HOXA4: variants seen among roughly 807,000 people sequenced by gnomAD.
HOXA4 encodes homeobox protein Hox-A4.
A neutral mutation model predicts 25.3 loss-of-function variants in HOXA4; 31 were observed. That is an observed-to-expected ratio of 1.22 (90% CI 0.92 to 1.65). The LOEUF is 1.65. HOXA4 is among the 40% of genes most tolerant of loss of function. The probability of loss-of-function intolerance (pLI) is 0.00; values close to 1 mark genes in which losing one functional copy is unlikely to be tolerated. For missense variants in HOXA4, 459 were observed against 446.0 expected (o/e 1.03, Z -0.26); for synonymous variants, 225 against 207.7 (o/e 1.08, Z -0.72).
In HOXA4 at chr7:27,130,644, G is replaced by A; in HGVS notation, c.90C>T (p.Gly30=). The A allele has an allele frequency of 6.3e-7, 1 of 1,596,184 alleles. No homozygotes were observed. The highest frequency in any genetic ancestry group is 2.3e-5 in the East Asian group (1 of 44,000). ...CCCCGCCCGGGCCGCCGTCTGCGCC[G>A]CCCGAGCCGCTGTGCTGCGCGTACT... ...FEEYAQHSGS[G]GADGGPGGGP... The change falls in exon 1 of 2, where the codon GGC becomes GGT. Residue 30 remains glycine, a synonymous_variant. Transcript: ENST00000360046.
In HOXA4 at chr7:27,130,617, G is replaced by T. The variant is rs1050272; in HGVS notation, c.117C>A (p.Gly39=). Residue 39 remains glycine, a synonymous_variant, in exon 1 of 2, where the codon GGC becomes GGA. Coordinates refer to ENST00000360046, the MANE Select transcript of HOXA4 (RefSeq NM_002141.5). The stretch of plus-strand genomic sequence containing the variant: ...GCGCTGGGGGCTGCTGGTAGCCGGG[G>T]CCCCCGCCCGGGCCGCCGTCTGCGC... The part of the protein sequence containing the change: ...SGGADGGPGG[G]PGYQQPPAPP... 2 of 1,554,584 alleles carry T rather than the reference G, an allele frequency of 1.3e-6. No individual in the cohort carries two copies. Among genetic ancestry groups the T allele is most frequent in the South Asian group, 2.3e-5 (2 of 85,222 alleles).
At chr7:27,129,878 C>T in intron 1 of HOXA4, 1 of 607,774 alleles carries the variant, frequency 1.6e-6, no homozygotes. Flanking sequence ...TAATTACTGC[C>T]CTAACAGTTT....
chr7:27,128,901 G>T lies in HOXA4; in HGVS notation c.*324C>A. The T allele has an allele frequency of 2.6e-6, 1 of 389,374 alleles. No homozygotes were observed. The highest frequency in any genetic ancestry group is 4.8e-6 in the Non-Finnish European group (1 of 209,416). The allele number at this position is 389,374 out of a possible 1,614,324, so 24.1% of individuals were successfully genotyped here. A position where few individuals can be genotyped will look rare whatever the true frequency, so the allele number is the denominator to read the frequency against. On this transcript the variant is annotated 3_prime_UTR_variant, in exon 2 of 2. Transcript: ENST00000360046. ...GCAAGTGTATGTCCCCACTCAGCAT[G>T]GGCTGTCCAGCTAGCTGACTGTAGC...
In HOXA4 at chr7:27,130,623, G is replaced by A. The variant is rs1413413465; in HGVS notation, c.111C>T (p.Gly37=). ...GGGGCTGCTGGTAGCCGGGGCCCCC[G>A]CCCGGGCCGCCGTCTGCGCCGCCCG... ...SGSGGADGGP[G]GGPGYQQPPA... is the part of the protein sequence containing the mutation. Residue 37 remains glycine, a synonymous_variant, in exon 1 of 2, where the codon GGC becomes GGT. Coordinates refer to ENST00000360046, the MANE Select transcript of HOXA4 (RefSeq NM_002141.5). 2 of 1,564,406 alleles carry A rather than the reference G, an allele frequency of 1.3e-6. No homozygotes were observed. The highest frequency in any genetic ancestry group is 1.4e-5 in the African/African-American group (1 of 72,852).
In HOXA4 at chr7:27,129,428, A is replaced by T. The variant is rs200623719; in HGVS notation, c.760T>A (p.Leu254Met). Residue 254 changes from leucine to methionine, a missense_variant, in exon 2 of 2, where the codon TTG becomes ATG. By Grantham distance (15) the Leu-to-Met change is conservative. Coordinates refer to ENST00000360046, the MANE Select transcript of HOXA4 (RefSeq NM_002141.5). ...RRIEIAHTLCLSERQVKIWFQ... is the reference protein window; with the variant it reads ...RRIEIAHTLCMSERQVKIWFQ... ...CAGATCTTGACCTGGCGCTCAGACA[A>T]ACAGAGCGTGTGGGCGATCTCGATG... 2.5e-4 allele frequency: 409 copies of T among 1,614,024 alleles called. No individual in the cohort carries two copies. The highest frequency in any genetic ancestry group is 3.3e-4 in the Non-Finnish European group (384 of 1,180,022).
At position 27,129,526 on chromosome 7, in the gene HOXA4, G is replaced by A. The variant is rs767391027; in HGVS notation, c.662C>T (p.Ala221Val). ...CTCCAAGACCTGCTGCCGGGTGTAG[G>A]CGGTTCGAGAGCGCTTAGGCTCCCC... ...NGGEPKRSRT[A>V]YTRQQVLELE... The change falls in exon 2 of 2, where the codon GCC (alanine) becomes GTC (valine). Residue 221 changes from alanine to valine, a missense_variant. Physicochemically the swap from Ala to Val is moderately conservative, Grantham distance 64. Coordinates refer to ENST00000360046, the MANE Select transcript of HOXA4 (RefSeq NM_002141.5). The A allele has an allele frequency of 6.2e-7, 1 of 1,614,114 alleles. No individual in the cohort carries two copies. Among genetic ancestry groups the A allele is most frequent in the Non-Finnish European group, 8.5e-7 (1 of 1,180,028 alleles).
Position 27,128,900 on chromosome 7 carries a change from T to C in HOXA4, c.*325A>G, listed in dbSNP as rs1785393580. 1 of 383,944 alleles carries C rather than the reference T, an allele frequency of 2.6e-6. No individual in the cohort carries two copies. Among genetic ancestry groups the C allele is most frequent in the Non-Finnish European group, 4.8e-6 (1 of 206,216 alleles). The allele number at this position is 383,944 out of a possible 1,614,324, so 23.8% of individuals were successfully genotyped here. On this transcript the variant is annotated 3_prime_UTR_variant, in exon 2 of 2. Transcript: ENST00000360046. ...TGCAAGTGTATGTCCCCACTCAGCA[T>C]GGGCTGTCCAGCTAGCTGACTGTAG... is the stretch of plus-strand genomic sequence containing the variant.
Position 27,128,904 on chromosome 7 carries a change from C to A in HOXA4, c.*321G>T. ...AGTGTATGTCCCCACTCAGCATGGG[C>A]TGTCCAGCTAGCTGACTGTAGCCAT... On this transcript the variant is annotated 3_prime_UTR_variant, in exon 2 of 2. Coordinates refer to ENST00000360046, the MANE Select transcript of HOXA4 (RefSeq NM_002141.5). The A allele has an allele frequency of 2.5e-6, 1 of 393,912 alleles. No individual in the cohort carries two copies. The highest frequency in any genetic ancestry group is 2.8e-5 in the South Asian group (1 of 35,948). 24.4% of individuals were successfully genotyped at this position (393,912 alleles called of 1,614,324 possible). A position where few individuals can be genotyped will look rare whatever the true frequency, so the allele number is the denominator to read the frequency against.
Position 27,129,266 on chromosome 7 carries a change from G to C in HOXA4, c.922C>G (p.Pro308Ala). Residue 308 changes from proline to alanine, a missense_variant, in exon 2 of 2, where the codon CCC becomes GCC. By Grantham distance (27) the Pro-to-Ala change is conservative. Transcript: ENST00000360046. ...ACGGGTGTGGAGGTGCTCGGGTGGG[G>C]GTGGGGATGGAGGTGTGGGCTCTGA... ...QTQSPHLHPH[P>A]HPSTSTPVPS... is the part of the protein sequence containing the mutation. 1 of 1,612,456 alleles carries C rather than the reference G, an allele frequency of 6.2e-7. No individual in the cohort carries two copies.
intron 1 of HOXA4, chr7:27,129,897 G>A (rs1785448440): frequency 1.6e-6 from 1 of 617,660 alleles, no homozygotes; most frequent in African/African-American, 1.8e-5. Context: ...TTGGCGTCTC[G>A]TAAATCTCCT....
chr7:27,130,499 C>A lies in HOXA4; in HGVS notation c.235G>T (p.Ala79Ser). The A allele has an allele frequency of 3.1e-6, 4 of 1,282,932 alleles. No homozygotes were observed. The highest frequency in any genetic ancestry group is 3.9e-6 in the Non-Finnish European group (4 of 1,016,352). 79.5% of individuals were successfully genotyped at this position (1,282,932 alleles called of 1,614,324 possible). A position where few individuals can be genotyped will look rare whatever the true frequency, so the allele number is the denominator to read the frequency against. Residue 79 changes from alanine to serine, a missense_variant, in exon 1 of 2, where the codon GCC becomes TCC. Transcript: ENST00000360046. ...PTASYYAPRTAREPAYPAAAL... is the reference protein window; with the variant it reads ...PTASYYAPRTSREPAYPAAAL... The stretch of plus-strand genomic sequence containing the variant: ...GCAGCAGGGTAGGCGGGCTCGCGGG[C>A]GGTCCGCGGCGCGTAGTAGGAGGCA...
intron 1 of HOXA4, 85 bp from the exon 2 acceptor site, chr7:27,129,656 G>T: frequency 6.9e-7 from 1 of 1,455,794 alleles, no homozygotes; most frequent in Non-Finnish European, 9.5e-7. Context: ...AGGTGGGGTG[G>T]GGAAGAGCAA....
Position 27,130,164 on chromosome 7 carries a change from C to A in HOXA4, c.570G>T (p.Lys190Asn), listed in dbSNP as rs1223359356. ...ADKSPLGLKG[K>N]EPVVYPWMKK... ...TCATCCAGGGGTACACCACGGGCTC[C>A]TTGCCCTTCAGGCCCAGCGGGCTCT... The change falls in exon 1 of 2, where the codon AAG becomes AAT. Residue 190 changes from lysine (K) to asparagine (N), a missense_variant. Coordinates refer to ENST00000360046, the MANE Select transcript of HOXA4 (RefSeq NM_002141.5). 1.0e-5 allele frequency: 16 copies of A among 1,600,762 alleles called. No individual in the cohort carries two copies. The highest frequency in any genetic ancestry group is 1.4e-5 in the Non-Finnish European group (16 of 1,177,152).
Position 27,130,379 on chromosome 7 carries a change from G to A in HOXA4, c.355C>T (p.Pro119Ser). The change falls in exon 1 of 2, where the codon CCC becomes TCC. Residue 119 changes from proline to serine, a missense_variant. Transcript: ENST00000360046. ...GCTGGGCCCTTGGCTTGCGCCGGGG[G>A]CTGCTCGGGCTGGGGCGGCCGCCCG... ...SPGRPPQPEQ[P>S]PAQAKGPAHG... is the part of the protein sequence containing the mutation. 8.7e-7 allele frequency: 1 copy of A among 1,148,530 alleles called. No individual in the cohort carries two copies. Among genetic ancestry groups the A allele is most frequent in the Non-Finnish European group, 1.1e-6 (1 of 935,394 alleles). The allele number at this position is 1,148,530 out of a possible 1,614,324, so 71.1% of individuals were successfully genotyped here. A position where few individuals can be genotyped will look rare whatever the true frequency, so the allele number is the denominator to read the frequency against.
rs762404049 is a variant in HOXA4 at position 27,130,469 on chromosome 7, G to A, written c.265C>T (p.Leu89=). 8.1e-5 allele frequency: 102 copies of A among 1,254,382 alleles called. No individual in the cohort carries two copies. Among genetic ancestry groups the A allele is most frequent in the Non-Finnish European group, 9.9e-5 (99 of 1,001,534 alleles). The allele number at this position is 1,254,382 out of a possible 1,614,324, so 77.7% of individuals were successfully genotyped here. The change falls in exon 1 of 2, where the codon CTG becomes TTG. Residue 89 remains leucine, a synonymous_variant. Coordinates refer to ENST00000360046, the MANE Select transcript of HOXA4 (RefSeq NM_002141.5). ...AREPAYPAAA[L]YPAHGAADTA... is the part of the protein sequence containing the mutation. ...TCCGCGGCCCCATGCGCGGGGTACA[G>A]CGCGGCAGCAGGGTAGGCGGGCTCG...
rs1234880641 is a variant in HOXA4, at chr7:27,130,286, G to T, written c.448C>A (p.Pro150Thr). The change falls in exon 1 of 2, where the codon CCC becomes ACC. Residue 150 changes from proline to threonine, a missense_variant. By Grantham distance (38) the Pro-to-Thr change is conservative. Coordinates refer to ENST00000360046, the MANE Select transcript of HOXA4 (RefSeq NM_002141.5). ...LPPPLQPRAV[P>T]PAAPRRCEAA... ...TCGCAGCGCCGCGGGGCCGCTGGGGGCACGGCGCGAGGCTGCAGGGGCGGC... is the reference window on the plus strand; with the variant it reads ...TCGCAGCGCCGCGGGGCCGCTGGGGTCACGGCGCGAGGCTGCAGGGGCGGC... 14 of 1,103,484 alleles carry T rather than the reference G, an allele frequency of 1.3e-5. No homozygotes were observed. In the African/African-American group the frequency reaches 2.2e-4, roughly 17 times the overall value. The allele number at this position is 1,103,484 out of a possible 1,614,324, so 68.4% of individuals were successfully genotyped here. A position where few individuals can be genotyped will look rare whatever the true frequency, so the allele number is the denominator to read the frequency against.
chr7:27,129,497 C>T lies in HOXA4; in HGVS notation c.691G>A (p.Glu231Lys), dbSNP rs1785426300. 3.1e-6 allele frequency: 5 copies of T among 1,614,006 alleles called. No homozygotes were observed. The change falls in exon 2 of 2, where the codon GAG becomes AAG. Residue 231 changes from glutamate to lysine, a missense_variant. Physicochemically the swap from Glu to Lys is moderately conservative, Grantham distance 56. Coordinates refer to ENST00000360046, the MANE Select transcript of HOXA4 (RefSeq NM_002141.5). ...AYTRQQVLEL[E>K]KEFHFNRYLT... ...TATCGATTGAAGTGGAACTCCTTCT[C>T]CAGCTCCAAGACCTGCTGCCGGGTG...
Position 27,130,747 on chromosome 7 carries a change from G to A in HOXA4, c.-14C>T, listed in dbSNP as rs534305733. The A allele has an allele frequency of 1.1e-4, 175 of 1,600,406 alleles. 1 individual carries two copies. The South Asian group carries it at 1.9e-3, about 17-fold the overall frequency. ...GCTCATGGTCATTAATTTGTGAAGT[G>A]CAAAAATACTAATTTTTCTCGCGTT... On this transcript the variant is annotated 5_prime_UTR_variant, in exon 1 of 2. Transcript: ENST00000360046.
Position 27,130,592 on chromosome 7 carries a change from G to A in HOXA4, c.142C>T (p.Pro48Ser). ...TGCAGCGGCAGGTGCTGGGTCGGGG[G>A]CGCTGGGGGCTGCTGGTAGCCGGGG... is the stretch of plus-strand genomic sequence containing the variant. ...GGPGYQQPPAPPTQHLPLQQP... is the reference protein window; with the variant it reads ...GGPGYQQPPASPTQHLPLQQP... Residue 48 changes from proline to serine, a missense_variant, in exon 1 of 2, where the codon CCC (proline) becomes TCC (serine). Pro to Ser is a moderately conservative substitution (Grantham distance 74). Coordinates refer to ENST00000360046, the MANE Select transcript of HOXA4 (RefSeq NM_002141.5). 1 of 1,525,338 alleles carries A rather than the reference G, an allele frequency of 6.6e-7. No homozygotes were observed. The highest frequency in any genetic ancestry group is 8.8e-7 in the Non-Finnish European group (1 of 1,134,174). 94.5% of individuals were successfully genotyped at this position (1,525,338 alleles called of 1,614,324 possible). A position where few individuals can be genotyped will look rare whatever the true frequency, so the allele number is the denominator to read the frequency against.
Sources: allele counts gnomAD v4.1 joint callset, GRCh38; gene constraint gnomAD v4.1.1; transcripts MANE v1.5; gene names NCBI Gene and HGNC (gene_info 2026-07-23, HGNC 2026-07-21).